The following F13A1 variants were observed in gnomAD, a reference collection of about 807,000 sequenced individuals.
F13A1 encodes FSF, A subunit.
In F13A1, 47 loss-of-function variants were observed where a neutral mutation model predicts 80.1. The ratio of observed to expected loss-of-function variants is 0.59; its 90% CI spans 0.46 to 0.75. F13A1 has a LOEUF of 0.75. F13A1 is among the 30% of genes least tolerant of loss of function. The pLI is 0.00. For synonymous variants in F13A1, 349 were observed against 344.9 expected (o/e 1.01, Z -0.13); for missense variants, 817 against 930.4 (o/e 0.88, Z 1.59).
At chr6:6,292,498 TCTC>T (rs1345123006) in intron 3 of F13A1, among the ~76,000 whole-genome samples, 1 of 152,130 alleles carries the variant, frequency 6.6e-6, no homozygotes, top group Admixed American at 6.5e-5. Flanking sequence ...CTTCTGATCA[TCTC>T]CTCTCCTATC....
intron 4 of F13A1, among the ~76,000 whole-genome samples, chr6:6,253,142 C>CAA (rs397886568): frequency 0.068 from 4,976 of 73,500 alleles, 205 homozygotes; most frequent in East Asian, 0.14. Flanking sequence ...GAATCTGTCC[C>CAA]AAAAAAAAAA....
At chr6:6,261,298 T>C (rs1472834318) in intron 4 of F13A1, among the ~76,000 whole-genome samples, 2 of 152,192 alleles carry the variant, frequency 1.3e-5, no homozygotes, top group Non-Finnish European at 2.9e-5. Flanking sequence ...TATTGCTTAT[T>C]GTCTTTCTTT....
chr6:6,247,509 C>G (rs769699309), intron 6 of F13A1, among the ~76,000 whole-genome samples: 41 of 152,176 alleles, frequency 2.7e-4, no homozygotes, highest in Non-Finnish European at 5.6e-4. Context: ...TAATCCAGGA[C>G]TGCATGGGTC....
At chr6:6,276,441 A>G (rs1197684514) in intron 3 of F13A1, among the ~76,000 whole-genome samples, 2 of 152,082 alleles carry the variant, frequency 1.3e-5, no homozygotes, top group Non-Finnish European at 2.9e-5. Context: ...TTGCCTCACC[A>G]TGTCGTTTGT....
intron 8 of F13A1, among the ~76,000 whole-genome samples, chr6:6,201,962 C>T (rs1330961144): frequency 6.6e-6 from 1 of 152,038 alleles, no homozygotes; most frequent in Non-Finnish European, 1.5e-5. Context: ...TTTAAATAGA[C>T]ACATAATAAT....
chr6:6,254,453 A>G (rs775293926), intron 4 of F13A1, among the ~76,000 whole-genome samples: 1 of 152,198 alleles, frequency 6.6e-6, no homozygotes, highest in Non-Finnish European at 1.5e-5. Flanking sequence ...ATTAAAAAGA[A>G]GATGCAGGTA....
intron 6 of F13A1, among the ~76,000 whole-genome samples, chr6:6,226,667 A>C (rs1476329756): frequency 6.6e-6 from 1 of 152,218 alleles, no homozygotes; most frequent in African/African-American, 2.4e-5. Flanking sequence ...ACAAAGAAAA[A>C]AAATCTCCGT....
At chr6:6,238,715 C>CAT (rs4053228) in intron 6 of F13A1, among the ~76,000 whole-genome samples, 31,304 of 145,870 alleles carry the variant, frequency 0.21, 3,513 homozygotes, top group African/African-American at 0.3. Context: ...AAACATGCTG[C>CAT]ATATATATAT....
intron 8 of F13A1, among the ~76,000 whole-genome samples, chr6:6,211,826 A>C (rs1045041471): frequency 6.6e-6 from 1 of 152,216 alleles, no homozygotes; most frequent in Non-Finnish European, 1.5e-5. Context: ...TGCGCGCACC[A>C]TGCGCGAGCC....
At chr6:6,299,997 A>G (rs1331906330) in intron 3 of F13A1, among the ~76,000 whole-genome samples, 1 of 147,124 alleles carries the variant, frequency 6.8e-6, no homozygotes, top group African/African-American at 2.7e-5. Flanking sequence ...GGTCTGTTGG[A>G]GTACCCTGCC....
In F13A1 at chr6:6,262,331, T is replaced by C. The variant is rs114431869; in HGVS notation, c.571+4227A>G. 4.8e-3 allele frequency among the ~76,000 whole-genome samples: 732 copies of C among 152,332 alleles called. 5 individuals are homozygous for C. The highest frequency in any genetic ancestry group is 0.016 in the African/African-American group (680 of 41,590). On this transcript the variant is annotated intron_variant, in intron 4 of 14. Coordinates refer to ENST00000264870, the MANE Select transcript of F13A1 (RefSeq NM_000129.4). The stretch of plus-strand genomic sequence containing the variant: ...TCTCACCCTCCATCCCAAACTGCAG[T>C]TAAGGTCTGGGCATTCACAGATGTT...
At chr6:6,191,138 G>A (rs1761189823) in intron 10 of F13A1, among the ~76,000 whole-genome samples, 1 of 152,246 alleles carries the variant, frequency 6.6e-6, no homozygotes, top group Non-Finnish European at 1.5e-5. Flanking sequence ...ACTCCCTAGT[G>A]AGATGAACCC....
chr6:6,299,638 T>C (rs1220086406), intron 3 of F13A1, among the ~76,000 whole-genome samples: 2 of 139,840 alleles, frequency 1.4e-5, no homozygotes, highest in Non-Finnish European at 3.0e-5. Flanking sequence ...GTTATTCTAG[T>C]TATACATTCT....
rs757488075 is a variant in F13A1 at position 6,174,827 on chromosome 6, C to T, written c.1500G>A (p.Met500Ile). Reference sequence around the variant, plus strand: ...TGTTGAGGGGCTTTTTAGCTCCGTACATCAGGGCAGTTTCTAGGGCCAATC... The same window carrying T: ...TGTTGAGGGGCTTTTTAGCTCCGTATATCAGGGCAGTTTCTAGGGCCAATC... ...EERLALETAL[M>I]YGAKKPLNTE... The change falls in exon 12 of 15, where the codon ATG becomes ATA. Residue 500 changes from methionine to isoleucine, a missense_variant. Met to Ile is a conservative substitution (Grantham distance 10). Transcript: ENST00000264870. 5.0e-6 allele frequency: 8 copies of T among 1,614,058 alleles called. No individual in the cohort carries two copies. The highest frequency in any genetic ancestry group is 1.7e-5 in the Admixed American group (1 of 60,004).
intron 3 of F13A1, among the ~76,000 whole-genome samples, chr6:6,298,196 G>C (rs1465905046): frequency 6.9e-6 from 1 of 144,818 alleles, no homozygotes; most frequent in Non-Finnish European, 1.5e-5. Context: ...AATAGGTGTG[G>C]TGTGGTGCTG....
At chr6:6,316,956 T>C (rs1758694469) in intron 2 of F13A1, among the ~76,000 whole-genome samples, 1 of 152,192 alleles carries the variant, frequency 6.6e-6, no homozygotes, top group African/African-American at 2.4e-5. Flanking sequence ...ACTGCCTTTG[T>C]AGAGGTTCCC....
chr6:6,276,975 G>A (rs1757996890), intron 3 of F13A1, among the ~76,000 whole-genome samples: 1 of 152,022 alleles, frequency 6.6e-6, no homozygotes, highest in Admixed American at 6.6e-5. Context: ...CTTGGCTAAG[G>A]GGACCCCAGA....
chr6:6,204,152 G>A (rs1761446705), intron 8 of F13A1, among the ~76,000 whole-genome samples: 1 of 152,182 alleles, frequency 6.6e-6, no homozygotes, highest in Non-Finnish European at 1.5e-5. Flanking sequence ...TTTAAACAAG[G>A]AGTCCTTTAC....
intron 8 of F13A1, among the ~76,000 whole-genome samples, chr6:6,211,188 A>T (rs934294761): frequency 2.6e-5 from 4 of 152,264 alleles, no homozygotes; most frequent in African/African-American, 9.6e-5. Context: ...GTAAATTAAT[A>T]CATGTCAGCA....
Sources: gnomAD v4.1 joint callset for allele counts (sites outside exome capture counted in the v4.1 genomes callset) on GRCh38, gnomAD v4.1.1 for gene constraint, MANE v1.5 for transcripts, NCBI Gene and HGNC (gene_info 2026-07-23, HGNC 2026-07-21) for gene names.